The following ANGPT1 variants were observed in gnomAD, a reference collection of about 807,000 sequenced individuals.
ANGPT1 encodes the protein angiopoietin 1, also known as angiopoietin-1.
In ANGPT1, 17 loss-of-function variants were observed where a neutral mutation model predicts 62.2. The ratio of observed to expected loss-of-function variants is 0.27; its 90% CI spans 0.19 to 0.41. The LOEUF (loss-of-function observed/expected upper bound fraction) is 0.41. ANGPT1 is among the 10% of genes least tolerant of loss of function. ANGPT1 has a pLI of 1.00. For missense variants in ANGPT1, 478 were observed against 594.9 expected, an observed-to-expected ratio of 0.80 and a Z score of 2.04; for synonymous variants, 199 against 198.9, an observed-to-expected ratio of 1.00 and a Z score of 0.00.
chr8:107,273,513 C>T (rs908406840), intron 7 of ANGPT1, among the ~76,000 whole-genome samples: 4 of 151,910 alleles, frequency 2.6e-5, no homozygotes. Context: ...TTATATGTAG[C>T]ACAGTAAAGC....
At chr8:107,465,946 AGGACTTC>A (rs1171011916) in intron 1 of ANGPT1, among the ~76,000 whole-genome samples, 2 of 152,164 alleles carry the variant, frequency 1.3e-5, no homozygotes, top group Non-Finnish European at 2.9e-5. Flanking sequence ...AGTTCCAGGA[AGGACTTC>A]TATCTGGGAG....
chr8:107,264,350 A>G lies in ANGPT1; in HGVS notation c.1207T>C (p.Leu403=), dbSNP rs1259185963. 1.2e-6 allele frequency: 2 copies of G among 1,611,478 alleles called. No individual in the cohort carries two copies. Among genetic ancestry groups the G allele is most frequent in the East Asian group, 4.5e-5 (2 of 44,848 alleles). ...HIGNEKQNYR[L]YLKGHTGTAG... Reference sequence around the variant, plus strand: ...GTCCCAGTGTGACCTTTTAAATACAACCTGAAGTCAAAAAGAAAAAAAAGA... The same window carrying G: ...GTCCCAGTGTGACCTTTTAAATACAGCCTGAAGTCAAAAAGAAAAAAAAGA... The change falls in exon 8 of 9, where the codon TTG becomes CTG. Residue 403 remains leucine (L), a splice_region_variant and synonymous_variant. Coordinates refer to ENST00000517746, the MANE Select transcript of ANGPT1 (RefSeq NM_001146.5).
At chr8:107,271,519 C>T (rs1302970989) in intron 7 of ANGPT1, among the ~76,000 whole-genome samples, 2 of 151,894 alleles carry the variant, frequency 1.3e-5, no homozygotes, top group Non-Finnish European at 2.9e-5. Context: ...AAAACAATGA[C>T]ATAGAGATAC....
intron 4 of ANGPT1, among the ~76,000 whole-genome samples, chr8:107,313,866 CTTCT>C (rs1303893655): frequency 1.3e-5 from 2 of 152,084 alleles, no homozygotes; most frequent in Non-Finnish European, 2.9e-5. Flanking sequence ...CAGATTTTAC[CTTCT>C]TTTTCTCCCT....
At chr8:107,353,587 C>T (rs1176837290) in intron 1 of ANGPT1, among the ~76,000 whole-genome samples, 1 of 152,140 alleles carries the variant, frequency 6.6e-6, no homozygotes. Context: ...GCCCCCTGGT[C>T]ATTGAGCCTC....
At chr8:107,373,083 T>C (rs1816448793) in intron 1 of ANGPT1, among the ~76,000 whole-genome samples, 1 of 152,162 alleles carries the variant, frequency 6.6e-6, no homozygotes, top group Non-Finnish European at 1.5e-5. Flanking sequence ...GACAGAAAAG[T>C]GATAATCCCA....
chr8:107,373,519 T>G (rs1435851428), intron 1 of ANGPT1, among the ~76,000 whole-genome samples: 2 of 152,052 alleles, frequency 1.3e-5, no homozygotes, highest in South Asian at 2.1e-4. Context: ...GAATGAGAGG[T>G]GGATTGAAGG....
chr8:107,269,174 C>A (rs552657527), intron 7 of ANGPT1, among the ~76,000 whole-genome samples: 21 of 152,172 alleles, frequency 1.4e-4, no homozygotes, highest in African/African-American at 5.1e-4. Context: ...AGTTCAGGGG[C>A]TCATTCTTTC....
intron 1 of ANGPT1, among the ~76,000 whole-genome samples, chr8:107,411,307 C>A (rs1817262675): frequency 6.6e-6 from 1 of 152,088 alleles, no homozygotes; most frequent in African/African-American, 2.4e-5. Context: ...CAAAGACCAG[C>A]TAAATATAAG....
At chr8:107,390,840 G>T (rs1816820396) in intron 1 of ANGPT1, among the ~76,000 whole-genome samples, 1 of 152,154 alleles carries the variant, frequency 6.6e-6, no homozygotes, top group Admixed American at 6.5e-5. Context: ...CACAGATCTA[G>T]TGAGAGGCCA....
intron 2 of ANGPT1, among the ~76,000 whole-genome samples, chr8:107,337,253 A>G (rs1815589172): frequency 6.6e-6 from 1 of 152,202 alleles, no homozygotes; most frequent in Non-Finnish European, 1.5e-5. Flanking sequence ...GGTGAGTCAA[A>G]CCAATCTGAG....
At chr8:107,380,821 A>T (rs1337371156) in intron 1 of ANGPT1, among the ~76,000 whole-genome samples, 3 of 152,164 alleles carry the variant, frequency 2.0e-5, no homozygotes, top group Non-Finnish European at 4.4e-5. Flanking sequence ...TACTTTAGTG[A>T]TGGCTGTGTA....
intron 6 of ANGPT1, among the ~76,000 whole-genome samples, chr8:107,290,997 G>A (rs566596582): frequency 2.5e-4 from 38 of 152,252 alleles, no homozygotes; most frequent in Admixed American, 2.5e-3. Context: ...AAGTCACCAT[G>A]ATGACAACTT....
At chr8:107,261,626 A>C (rs936539184) in intron 8 of ANGPT1, among the ~76,000 whole-genome samples, 1 of 151,238 alleles carries the variant, frequency 6.6e-6, no homozygotes, top group African/African-American at 2.4e-5. Context: ...AATGGCAAGA[A>C]CCCTGGAAGT....
At chr8:107,463,506 T>C (rs542381507) in intron 1 of ANGPT1, among the ~76,000 whole-genome samples, 24 of 152,264 alleles carry the variant, frequency 1.6e-4, no homozygotes, top group Non-Finnish European at 2.9e-4. Context: ...TATATTCCAG[T>C]TCATCTAGGA....
chr8:107,398,494 TTTTCTA>T (rs1048006929), intron 1 of ANGPT1, among the ~76,000 whole-genome samples: 2 of 103,730 alleles, frequency 1.9e-5, no homozygotes, highest in African/African-American at 8.2e-5. Context: ...AATTTTTTTC[TTTTCTA>T]TTTTTTTTTT....
intron 1 of ANGPT1, among the ~76,000 whole-genome samples, chr8:107,420,141 AT>A (rs1442432264): frequency 6.6e-6 from 1 of 152,118 alleles, no homozygotes; most frequent in Non-Finnish European, 1.5e-5. Context: ...ACTCCTACAA[AT>A]TTAATTAATA....
chr8:107,482,480 A>G (rs1812715346), intron 1 of ANGPT1, among the ~76,000 whole-genome samples: 2 of 152,184 alleles, frequency 1.3e-5, no homozygotes, highest in Non-Finnish European at 2.9e-5. Context: ...CTTCTTCACA[A>G]CACCATGGCC....
chr8:107,374,804 A>C (rs1484408690), intron 1 of ANGPT1, among the ~76,000 whole-genome samples: 1 of 152,202 alleles, frequency 6.6e-6, no homozygotes, highest in Admixed American at 6.5e-5. Context: ...CCTACTCTTC[A>C]CTGATAAAAA....
Sources: gnomAD v4.1 joint callset for allele counts (sites outside exome capture counted in the v4.1 genomes callset) on GRCh38, gnomAD v4.1.1 for gene constraint, MANE v1.5 for transcripts, NCBI Gene and HGNC (gene_info 2026-07-23, HGNC 2026-07-21) for gene names.